Variants in APTX observed in about 807,000 individuals in gnomAD.
APTX encodes aprataxin.
A neutral mutation model predicts 42.3 loss-of-function variants in APTX; 33 were observed. The observed-to-expected ratio is 0.78, with a 90% CI of 0.59 to 1.04. APTX has a LOEUF of 1.04. Among genes scored for constraint, APTX ranks in the 50% least tolerant of loss-of-function variants. The pLI is 0.00. For synonymous variants in APTX, 130 were observed against 146.7 expected (o/e 0.89, Z 0.82); for missense variants, 421 against 415.1 (o/e 1.01, Z -0.12).
At position 32,987,905 on chromosome 9, in the gene APTX, T is replaced by G. The variant is rs1033154837; in HGVS notation, c.181-59A>C. 3 of 1,589,306 alleles carry G rather than the reference T, an allele frequency of 1.9e-6. No individual in the cohort carries two copies. The Admixed American group carries it at 5.1e-5, about 27-fold the overall frequency. On this transcript the variant is annotated intron_variant, in intron 3 of 7. Transcript: ENST00000379817. ...AATAGCAACAGCACCTACAGTAAGA[T>G]AGCCACTGCTATGTTAACCACTTAC... is the stretch of plus-strand genomic sequence containing the variant.
At chr9:32,986,056 A>AAC (rs1554664889) in intron 4 of APTX, 26 bp from the exon 5 acceptor site, 20 of 809,118 alleles carry the variant, frequency 2.5e-5, no homozygotes, top group Admixed American at 6.6e-5. Flanking sequence ...AAAAAAAAAC[A>AAC]AAAAAAAAAA....
chr9:33,010,462 GTAA>G (rs1287651718), intron 1 of APTX, among the ~76,000 whole-genome samples: 1 of 152,172 alleles, frequency 6.6e-6, no homozygotes, highest in Non-Finnish European at 1.5e-5. Context: ...GCTCACACCT[GTAA>G]TCCCAGCACT....
intron 1 of APTX, among the ~76,000 whole-genome samples, chr9:33,022,380 A>G (rs1838457848): frequency 6.6e-6 from 1 of 152,240 alleles, no homozygotes; most frequent in African/African-American, 2.4e-5. Context: ...CTCCAAGCTT[A>G]GCAAAGATTT....
intron 1 of APTX, among the ~76,000 whole-genome samples, chr9:33,000,643 A>AAAAAAAG (rs995476445): frequency 6.8e-6 from 1 of 146,376 alleles, no homozygotes; most frequent in East Asian, 2.0e-4. Flanking sequence ...AAAAAAAAAA[A>AAAAAAAG]AAAAGAAAAG....
chr9:33,020,523 T>C (rs921581887), intron 1 of APTX, among the ~76,000 whole-genome samples: 8 of 152,362 alleles, frequency 5.3e-5, no homozygotes, highest in Admixed American at 1.3e-4. Context: ...TATTGTGAAA[T>C]TTAAATGTAA....
rs948062677 is a variant in APTX at position 32,982,963 on chromosome 9, G to A, written c.770+1668C>T. 1.1e-4 allele frequency among the ~76,000 whole-genome samples: 17 copies of A among 149,752 alleles called. 1 individual carries two copies. The highest frequency in any genetic ancestry group is 2.7e-4 in the Admixed American group (4 of 15,032). On this transcript the variant is annotated intron_variant, in intron 6 of 7. Coordinates refer to ENST00000379817, the MANE Select transcript of APTX (RefSeq NM_001195248.2). ...TTCTTTTTTTTTCTTCTTCTTTTTT[G>A]AGACAGAGTCTCACTCTGTTGCCCA...
At chr9:33,023,529 AC>A (rs1466190241) in intron 1 of APTX, among the ~76,000 whole-genome samples, 2 of 152,218 alleles carry the variant, frequency 1.3e-5, no homozygotes, top group East Asian at 1.9e-4. Flanking sequence ...GGCCTGACTT[AC>A]GTGATTTTTG....
At chr9:33,018,911 A>G (rs1042793632) in intron 1 of APTX, among the ~76,000 whole-genome samples, 2 of 152,162 alleles carry the variant, frequency 1.3e-5, no homozygotes, top group Non-Finnish European at 2.9e-5. Flanking sequence ...CAAAACTGTC[A>G]AGGTCCTTAA....
At chr9:32,990,964 T>C (rs1833476468) in intron 1 of APTX, among the ~76,000 whole-genome samples, 2 of 152,192 alleles carry the variant, frequency 1.3e-5, no homozygotes, top group African/African-American at 4.8e-5. Context: ...TTCACTCTTG[T>C]TGCCCAGGCT....
intron 6 of APTX, among the ~76,000 whole-genome samples, chr9:32,981,472 A>C (rs2118569443): frequency 6.6e-6 from 1 of 152,202 alleles, no homozygotes; most frequent in East Asian, 1.9e-4. Context: ...TTCTGGCTCT[A>C]TGGCTGAGAG....
At chr9:33,021,129 CAAA>C (rs11384877) in intron 1 of APTX, among the ~76,000 whole-genome samples, 6 of 107,508 alleles carry the variant, frequency 5.6e-5, no homozygotes, top group African/African-American at 3.7e-5. Context: ...AACTCTGTCT[CAAA>C]AAAAAAAAAA....
intron 1 of APTX, among the ~76,000 whole-genome samples, chr9:32,991,718 A>C (rs1833683860): frequency 1.3e-5 from 2 of 151,722 alleles, no homozygotes; most frequent in African/African-American, 2.4e-5. Flanking sequence ...CGGAGGTTGC[A>C]GTGAGCAGAG....
At chr9:33,006,257 T>C (rs1186079573), upstream of APTX, among the ~76,000 whole-genome samples, 1 of 151,932 alleles carries the variant, frequency 6.6e-6, no homozygotes, top group Admixed American at 6.6e-5. Flanking sequence ...CCTCTCTCTA[T>C]AAAAAAAATT....
chr9:33,003,272 T>C (rs1164780905), upstream of APTX, among the ~76,000 whole-genome samples: 1 of 152,222 alleles, frequency 6.6e-6, no homozygotes, highest in Non-Finnish European at 1.5e-5. Context: ...AGTGTATTAG[T>C]GGCCAGAAAA....
chr9:33,011,956 T>C (rs1287545773), intron 1 of APTX, among the ~76,000 whole-genome samples: 2 of 152,242 alleles, frequency 1.3e-5, no homozygotes, highest in African/African-American at 4.8e-5. Context: ...GGCATTTTCC[T>C]GAGCATGGTT....
intron 1 of APTX, among the ~76,000 whole-genome samples, chr9:33,021,036 G>A (rs765988798): frequency 3.3e-5 from 5 of 152,122 alleles, no homozygotes; most frequent in Non-Finnish European, 7.4e-5. Flanking sequence ...AGCTGAGGCA[G>A]GAGAATCGCT....
At chr9:32,978,480 A>C (rs956185531) in intron 6 of APTX, among the ~76,000 whole-genome samples, 2 of 151,830 alleles carry the variant, frequency 1.3e-5, no homozygotes, top group East Asian at 3.9e-4. Flanking sequence ...GCTTAGGGGG[A>C]GAATGAGGGG....
At chr9:33,004,031 G>A (rs1276315465), upstream of APTX, among the ~76,000 whole-genome samples, 1 of 152,204 alleles carries the variant, frequency 6.6e-6, no homozygotes, top group East Asian at 1.9e-4. Context: ...AAATGCCCAT[G>A]AACTGATGAA....
chr9:32,990,065 G>C (rs1833201901), intron 1 of APTX, 170 bp from the exon 2 acceptor site: 7 of 738,160 alleles, frequency 9.5e-6, no homozygotes, highest in Non-Finnish European at 1.6e-5. Context: ...ATAATGATGG[G>C]ACTCAGGAGG....
Sources: allele counts gnomAD v4.1 joint callset (sites outside exome capture counted in the v4.1 genomes callset), GRCh38; gene constraint gnomAD v4.1.1; transcripts MANE v1.5; gene names NCBI Gene and HGNC (gene_info 2026-07-23, HGNC 2026-07-21).